Variants in JHY observed in about 807,000 individuals in gnomAD.
The protein encoded by JHY is jhy protein homolog.
In JHY, 69 loss-of-function variants were observed where a neutral mutation model predicts 78.0. The ratio of observed to expected loss-of-function variants is 0.88; its 90% CI spans 0.73 to 1.08. The LOEUF is 1.08. Ranked by LOEUF, JHY falls within the 50% of genes least tolerant of loss-of-function variation. The pLI is 0.00. For missense variants in JHY, 944 were observed against 927.8 expected (o/e 1.02, Z -0.23); for synonymous variants, 368 against 342.6 (o/e 1.07, Z -0.82).
In JHY at chr11:122,934,791, C is replaced by A. The variant is rs1250560041; in HGVS notation, c.1350C>A (p.Asp450Glu). ...TTGCTCCACCAAAACAGGCTTTTGA[C>A]AAGGTCTTATCTAAAAACTCTACTG... Reference protein sequence around the residue: ...NTFAPPKQAFDKVLSKNSTGC... With the variant: ...NTFAPPKQAFEKVLSKNSTGC... The change falls in exon 5 of 9, where the codon GAC becomes GAA. Residue 450 changes from aspartate to glutamate, a missense_variant. Coordinates refer to ENST00000227349, the MANE Select transcript of JHY (RefSeq NM_024806.4). The A allele has an allele frequency of 1.9e-6, 3 of 1,614,164 alleles. No individual in the cohort carries two copies. The South Asian group carries it at 3.3e-5, about 18-fold the overall frequency.
chr11:122,926,200 AAAAAAAG>A (rs1242761698), intron 4 of JHY, among the ~76,000 whole-genome samples: 16 of 90,480 alleles, frequency 1.8e-4, no homozygotes, highest in Non-Finnish European at 4.2e-4. Context: ...AAAAAAAAAA[AAAAAAAG>A]AAAAAAGAAA....
chr11:122,929,353 G>A (rs980983598), intron 4 of JHY, among the ~76,000 whole-genome samples: 2 of 151,956 alleles, frequency 1.3e-5, no homozygotes, highest in Non-Finnish European at 2.9e-5. Flanking sequence ...AAATGCAGTG[G>A]AACTAAAAGA....
chr11:122,940,042 A>T (rs1863840996), intron 5 of JHY, among the ~76,000 whole-genome samples: 1 of 151,802 alleles, frequency 6.6e-6, no homozygotes, highest in African/African-American at 2.4e-5. Context: ...ATTAAAAAAA[A>T]AAAAATCTAG....
intron 3 of JHY, among the ~76,000 whole-genome samples, chr11:122,912,157 C>T (rs1040863386): frequency 5.3e-5 from 8 of 151,420 alleles, no homozygotes; most frequent in African/African-American, 1.9e-4. Flanking sequence ...CCTCGTGGTG[C>T]GCACCTGTAA....
intron 2 of JHY, among the ~76,000 whole-genome samples, chr11:122,892,695 A>AT (rs1198374266): frequency 3.9e-5 from 6 of 152,300 alleles, no homozygotes; most frequent in Non-Finnish European, 7.4e-5. Flanking sequence ...TCTGATTAAT[A>AT]ATACGAGTCA....
intron 3 of JHY, among the ~76,000 whole-genome samples, chr11:122,923,873 C>T (rs1013230368): frequency 4.7e-5 from 7 of 148,584 alleles, no homozygotes; most frequent in East Asian, 2.0e-4. Context: ...CCAGTCACCA[C>T]GCCTGGCTAA....
chr11:122,887,474 C>T (rs1489106679), intron 2 of JHY, among the ~76,000 whole-genome samples: 2 of 152,114 alleles, frequency 1.3e-5, no homozygotes, highest in Admixed American at 6.5e-5. Flanking sequence ...AGGCATGTGC[C>T]ACCACGCCCA....
At chr11:122,946,839 T>C in intron 6 of JHY, 47 bp downstream of exon 6, 1 of 1,556,356 alleles carries the variant, frequency 6.4e-7, no homozygotes, top group Non-Finnish European at 8.7e-7. Context: ...ATTTTGAGAA[T>C]ACAGATGGAC....
intron 3 of JHY, among the ~76,000 whole-genome samples, chr11:122,914,803 G>C (rs1175981975): frequency 6.6e-6 from 1 of 152,080 alleles, no homozygotes; most frequent in African/African-American, 2.4e-5. Context: ...CTTCTACAGA[G>C]TAGGAACTCT....
chr11:122,899,387 C>T (rs1003363541), intron 2 of JHY, among the ~76,000 whole-genome samples: 2 of 152,186 alleles, frequency 1.3e-5, no homozygotes, highest in Non-Finnish European at 2.9e-5. Context: ...ACCTGAACAA[C>T]CACAGTTGAA....
Position 122,883,059 on chromosome 11 carries a change from G to T in JHY, c.-90+87G>T. 1 of 153,152 alleles carries T rather than the reference G, an allele frequency of 6.5e-6. No homozygotes were observed. The highest frequency in any genetic ancestry group is 1.8e-4 in the South Asian group (1 of 5,480). The allele number at this position is 153,152 out of a possible 1,614,324, so 9.5% of individuals were successfully genotyped here. Reference sequence around the variant, plus strand: ...GGGCTTACTGGGGATGGGGACGGCAGGAAACCACCCAAGCAAGCTGGGGAG... The same window carrying T: ...GGGCTTACTGGGGATGGGGACGGCATGAAACCACCCAAGCAAGCTGGGGAG... On this transcript the variant is annotated intron_variant, in intron 1 of 8. Transcript: ENST00000227349. This position sits in a 1 kb window ranked among gnomAD's most constrained non-coding sequence, Gnocchi z 4.4.
At chr11:122,912,658 C>T (rs1863155723) in intron 3 of JHY, among the ~76,000 whole-genome samples, 1 of 151,914 alleles carries the variant, frequency 6.6e-6, no homozygotes, top group Admixed American at 6.6e-5. Context: ...AGAAGGATCA[C>T]TTGAGCCGGG....
Position 122,904,264 on chromosome 11 carries a change from C to A in JHY, c.684C>A (p.Tyr228Ter). 2 of 1,614,148 alleles carry A rather than the reference C, an allele frequency of 1.2e-6. No homozygotes were observed. The highest frequency in any genetic ancestry group is 1.7e-6 in the Non-Finnish European group (2 of 1,180,022). ...LEEKSSSLSP[Y>*]VKSSSSHNEV... Reference sequence around the variant, plus strand: ...AGAAGTCGAGCAGCCTTTCTCCGTACGTGAAGAGCTCAAGTTCACATAACG... The same window carrying A: ...AGAAGTCGAGCAGCCTTTCTCCGTAAGTGAAGAGCTCAAGTTCACATAACG... The change falls in exon 3 of 9, where the codon TAC (tyrosine) becomes TAA (stop). Residue 228 changes from tyrosine (Y) to a stop codon, truncating the protein, a stop_gained. Coordinates refer to ENST00000227349, the MANE Select transcript of JHY (RefSeq NM_024806.4). LOFTEE classifies it high-confidence loss of function.
chr11:122,955,309 T>G (rs1348458240), intron 6 of JHY, among the ~76,000 whole-genome samples: 1 of 152,042 alleles, frequency 6.6e-6, no homozygotes, highest in Non-Finnish European at 1.5e-5. Context: ...TTAGTAGGGA[T>G]GGGTTTTCAC....
intron 6 of JHY, among the ~76,000 whole-genome samples, chr11:122,953,755 A>T (rs1270041774): frequency 6.6e-6 from 1 of 152,184 alleles, no homozygotes; most frequent in East Asian, 1.9e-4. Flanking sequence ...GAGATGTATG[A>T]TTTTGAAATA....
chr11:122,906,327 C>A (rs1443219790), intron 3 of JHY, among the ~76,000 whole-genome samples: 1 of 152,056 alleles, frequency 6.6e-6, no homozygotes, highest in Non-Finnish European at 1.5e-5. Flanking sequence ...TAGCTGGGAA[C>A]ACAGGCATGC....
At chr11:122,953,614 A>G (rs1001262240) in intron 6 of JHY, among the ~76,000 whole-genome samples, 8 of 151,892 alleles carry the variant, frequency 5.3e-5, no homozygotes, top group Non-Finnish European at 7.4e-5. Context: ...AAAAAAAAAA[A>G]AAAGAAATGA....
At chr11:122,957,709 A>C (rs1864222334) in intron 8 of JHY, among the ~76,000 whole-genome samples, 1 of 151,666 alleles carries the variant, frequency 6.6e-6, no homozygotes. Context: ...TTAAAAAAAA[A>C]ACCTTCCCAT....
chr11:122,959,724 C>A lies in JHY; in HGVS notation c.*279C>A, dbSNP rs1862330142. On this transcript the variant is annotated 3_prime_UTR_variant, in exon 9 of 9. Transcript: ENST00000227349. Reference sequence around the variant, plus strand: ...AATAAAGCTTTTGTTTTATATTGATCTTTTGATTTCTTCATCTCTACCCCA... The same window carrying A: ...AATAAAGCTTTTGTTTTATATTGATATTTTGATTTCTTCATCTCTACCCCA... 3.2e-6 allele frequency: 1 copy of A among 310,376 alleles called. No homozygotes were observed. Among genetic ancestry groups the A allele is most frequent in the Non-Finnish European group, 5.9e-6 (1 of 168,656 alleles). The allele number at this position is 310,376 out of a possible 1,614,324, so 19.2% of individuals were successfully genotyped here. A position where few individuals can be genotyped will look rare whatever the true frequency, so the allele number is the denominator to read the frequency against.
Sources: allele counts gnomAD v4.1 joint callset (sites outside exome capture counted in the v4.1 genomes callset), GRCh38; gene constraint gnomAD v4.1.1; non-coding constraint Gnocchi (gnomAD v3.1); transcripts MANE v1.5; gene names NCBI Gene and HGNC (gene_info 2026-07-23, HGNC 2026-07-21).